RARRES1: variants seen among roughly 807,000 people sequenced by gnomAD.
The protein encoded by RARRES1 is retinoic acid receptor responder 1, also known as retinoic acid receptor responder protein 1.
Under a neutral mutation model 30.6 loss-of-function variants are expected in RARRES1, and 34 were observed. The ratio of observed to expected loss-of-function variants is 1.11; its 90% CI spans 0.84 to 1.48. The LOEUF (loss-of-function observed/expected upper bound fraction) is 1.48. Ranked by LOEUF, RARRES1 falls within the 40% of genes most tolerant of loss-of-function variation. RARRES1 has a pLI of 0.00. For synonymous variants in RARRES1, 153 were observed against 155.5 expected, an observed-to-expected ratio of 0.98 and a Z score of 0.12; for missense variants, 373 against 386.5, an observed-to-expected ratio of 0.97 and a Z score of 0.29.
intron 1 of RARRES1, among the ~76,000 whole-genome samples, chr3:158,729,940 A>G (rs956653667): frequency 3.3e-5 from 5 of 152,158 alleles, no homozygotes; most frequent in African/African-American, 1.2e-4. Flanking sequence ...ACCTTGATAG[A>G]AAGTTCTCAA....
chr3:158,698,733 A>AT (rs1245094933), intron 4 of RARRES1, among the ~76,000 whole-genome samples: 1 of 151,954 alleles, frequency 6.6e-6, no homozygotes. Context: ...AAGAAAGAAC[A>AT]TTTTTTAAAA....
At chr3:158,704,748 T>G in intron 4 of RARRES1, 43 bp downstream of exon 4, 1 of 1,599,528 alleles carries the variant, frequency 6.3e-7, no homozygotes, top group Non-Finnish European at 8.5e-7. Flanking sequence ...ACCACTTTGA[T>G]TGTAACTCTT....
Position 158,732,401 on chromosome 3 carries a change from C to G in RARRES1, c.15G>C (p.Arg5=), listed in dbSNP as rs1727944273. Residue 5 remains arginine, a synonymous_variant, in exon 1 of 6, where the codon CGG becomes CGC. Transcript: ENST00000237696. The part of the protein sequence containing the change: MQPR[R]QRLPAPWSGP... Reference sequence around the variant, plus strand: ...CGGACCAGGGAGCAGGCAGCCGTTGCCGGCGGGGCTGCATGGACGCAGGAA... The same window carrying G: ...CGGACCAGGGAGCAGGCAGCCGTTGGCGGCGGGGCTGCATGGACGCAGGAA... The G allele has an allele frequency of 2.7e-6, 4 of 1,508,896 alleles. No individual in the cohort carries two copies. The highest frequency in any genetic ancestry group is 2.6e-6 in the Non-Finnish European group (3 of 1,134,134). 93.5% of individuals were successfully genotyped at this position (1,508,896 alleles called of 1,614,324 possible).
chr3:158,708,460 C>T (rs978945881), intron 3 of RARRES1, among the ~76,000 whole-genome samples: 2 of 152,180 alleles, frequency 1.3e-5, no homozygotes, highest in Admixed American at 6.5e-5. Flanking sequence ...CAATCTTTCC[C>T]TCTGTATGTA....
At chr3:158,716,111 C>A (rs1054798954) in intron 1 of RARRES1, among the ~76,000 whole-genome samples, 9 of 152,310 alleles carry the variant, frequency 5.9e-5, no homozygotes, top group African/African-American at 2.2e-4. Flanking sequence ...CAGCGACACC[C>A]TCAGGTTTCT....
chr3:158,724,284 A>G (rs936917747), intron 1 of RARRES1, among the ~76,000 whole-genome samples: 6 of 152,312 alleles, frequency 3.9e-5, no homozygotes, highest in Middle Eastern at 3.4e-3. Context: ...GCCCCCCCAC[A>G]GCCCTTGCCC....
chr3:158,706,168 A>G (rs1171434898), intron 3 of RARRES1, among the ~76,000 whole-genome samples: 7 of 152,194 alleles, frequency 4.6e-5, no homozygotes, highest in Admixed American at 4.6e-4. Context: ...AACAGCATTC[A>G]TTGATTTCTT....
chr3:158,724,993 A>T (rs914112721), intron 1 of RARRES1, among the ~76,000 whole-genome samples: 8 of 152,066 alleles, frequency 5.3e-5, no homozygotes, highest in Non-Finnish European at 2.9e-5. Flanking sequence ...ACATGTGGCT[A>T]ACTTATTTTT....
intron 4 of RARRES1, among the ~76,000 whole-genome samples, chr3:158,698,382 A>G (rs1027690006): frequency 3.9e-5 from 6 of 152,222 alleles, no homozygotes; most frequent in Non-Finnish European, 8.8e-5. Flanking sequence ...GGCACCTTCT[A>G]CATGTTCTCA....
intron 4 of RARRES1, among the ~76,000 whole-genome samples, chr3:158,698,857 A>T (rs7621897): frequency 1.1e-4 from 16 of 151,968 alleles, no homozygotes; most frequent in Non-Finnish European, 1.9e-4. Flanking sequence ...TTTCTCTTTC[A>T]GCCTTTTTCC....
At chr3:158,710,223 T>G (rs1486474222) in intron 3 of RARRES1, among the ~76,000 whole-genome samples, 5 of 136,272 alleles carry the variant, frequency 3.7e-5, no homozygotes, top group Non-Finnish European at 6.2e-5. Context: ...TTTTTTTTTT[T>G]GGAGATGGAG....
intron 1 of RARRES1, 62 bp downstream of exon 1, chr3:158,732,078 C>A: frequency 1.6e-6 from 2 of 1,271,854 alleles, no homozygotes; most frequent in Non-Finnish European, 2.0e-6. Flanking sequence ...ACCCAGGTGT[C>A]ACCTCCCAGC....
chr3:158,713,564 G>A (rs1304239873), intron 2 of RARRES1, among the ~76,000 whole-genome samples: 1 of 152,100 alleles, frequency 6.6e-6, no homozygotes, highest in African/African-American at 2.4e-5. Flanking sequence ...GGAGGTGATC[G>A]CTTATATGGA....
chr3:158,730,698 C>A (rs899552880), intron 1 of RARRES1, among the ~76,000 whole-genome samples: 1 of 152,062 alleles, frequency 6.6e-6, no homozygotes, highest in African/African-American at 2.4e-5. Context: ...GCGATTTGCC[C>A]ACCTCGGCCT....
At chr3:158,704,183 C>G (rs1283093597) in intron 4 of RARRES1, among the ~76,000 whole-genome samples, 1 of 151,080 alleles carries the variant, frequency 6.6e-6, no homozygotes, top group East Asian at 1.9e-4. Context: ...CAAGCCACCA[C>G]CAGGCCTTGC....
intron 1 of RARRES1, among the ~76,000 whole-genome samples, chr3:158,728,803 C>T (rs1207377181): frequency 5.9e-5 from 9 of 152,026 alleles, no homozygotes; most frequent in Admixed American, 2.0e-4. Context: ...GGATTACAGG[C>T]GAGAGCCACT....
chr3:158,704,587 G>A (rs2108132656), intron 4 of RARRES1: 2 of 658,310 alleles, frequency 3.0e-6, no homozygotes, highest in South Asian at 7.4e-5. Context: ...ATCTCAATGA[G>A]GGCAGCAACA....
Position 158,697,640 on chromosome 3 carries a change from C to T in RARRES1, c.*38G>A, listed in dbSNP as rs1178049105. 2 of 1,554,294 alleles carry T rather than the reference C, an allele frequency of 1.3e-6. No individual in the cohort carries two copies. The highest frequency in any genetic ancestry group is 1.4e-5 in the African/African-American group (1 of 73,006). On this transcript the variant is annotated 3_prime_UTR_variant, in exon 6 of 6. Transcript: ENST00000237696. ...GAAGAATGATTTATGCTAGTATAGT[C>T]ACTTGTTTAGAAGTCGGAAAAAGAT...
chr3:158,732,452 G>T lies in RARRES1; in HGVS notation c.-37C>A. ...AGTTGGCTCGGCACCCGACAGACACGGGCTCGGAGCGGGCAGTGCCGGCGC... is the reference window on the plus strand; with the variant it reads ...AGTTGGCTCGGCACCCGACAGACACTGGCTCGGAGCGGGCAGTGCCGGCGC... On this transcript the variant is annotated 5_prime_UTR_variant, in exon 1 of 6. Coordinates refer to ENST00000237696, the MANE Select transcript of RARRES1 (RefSeq NM_206963.2). 1 of 1,516,808 alleles carries T rather than the reference G, an allele frequency of 6.6e-7. No homozygotes were observed. The highest frequency in any genetic ancestry group is 1.2e-5 in the South Asian group (1 of 82,822). The allele number at this position is 1,516,808 out of a possible 1,614,324, so 94.0% of individuals were successfully genotyped here.
Sources: gnomAD v4.1 joint callset for allele counts (sites outside exome capture counted in the v4.1 genomes callset) on GRCh38, gnomAD v4.1.1 for gene constraint, MANE v1.5 for transcripts, NCBI Gene and HGNC (gene_info 2026-07-23, HGNC 2026-07-21) for gene names.